The following MASP1 variants were observed in gnomAD, a reference collection of about 807,000 sequenced individuals.
The protein encoded by MASP1 is MBL associated serine protease 1, also known as mannan-binding lectin serine protease 1.
In MASP1, 59 loss-of-function variants were observed where a neutral mutation model predicts 77.1. That is an observed-to-expected ratio of 0.77 (90% confidence interval 0.62 to 0.95). The LOEUF (loss-of-function observed/expected upper bound fraction) is 0.95. Ranked by LOEUF, MASP1 falls within the 40% of genes least tolerant of loss-of-function variation. The pLI, the probability that MASP1 is intolerant of heterozygous loss-of-function variation, is 0.00. For synonymous variants in MASP1, 362 were observed against 354.5 expected (o/e 1.02, Z -0.24); for missense variants, 885 against 912.9 (o/e 0.97, Z 0.39).
chr3:187,245,561 C>T (rs891273588), intron 8 of MASP1, among the ~76,000 whole-genome samples: 1 of 152,030 alleles, frequency 6.6e-6, no homozygotes, highest in Non-Finnish European at 1.5e-5. Context: ...TGTGGAGGGG[C>T]GTACTTTCTT....
At chr3:187,278,407 A>G (rs1717135347) in intron 2 of MASP1, among the ~76,000 whole-genome samples, 1 of 152,190 alleles carries the variant, frequency 6.6e-6, no homozygotes, top group South Asian at 2.1e-4. Flanking sequence ...GCTGAGGGAG[A>G]TCAAGGAGCT....
intron 13 of MASP1, among the ~76,000 whole-genome samples, chr3:187,223,532 T>C (rs1712194346): frequency 6.6e-6 from 1 of 152,192 alleles, no homozygotes; most frequent in African/African-American, 2.4e-5. Flanking sequence ...TGCTGTCACA[T>C]AGTAGGTGCT....
chr3:187,275,038 C>A (rs1253638074), intron 2 of MASP1, among the ~76,000 whole-genome samples: 1 of 152,154 alleles, frequency 6.6e-6, no homozygotes, highest in African/African-American at 2.4e-5. Context: ...CACTGTTTGG[C>A]CTGAGAATGG....
chr3:187,219,760 C>A, exon 16 of MASP1: 1 of 414,376 alleles, frequency 2.4e-6, no homozygotes. Flanking sequence ...CAGACTTTTA[C>A]GAGGTAGGTA....
At chr3:187,253,066 G>T in intron 6 of MASP1, 102 bp downstream of exon 6, 1 of 1,482,824 alleles carries the variant, frequency 6.7e-7, no homozygotes, top group Non-Finnish European at 9.4e-7. Context: ...GTCCCATCAG[G>T]TCTCCAGAGG....
intron 4 of MASP1, among the ~76,000 whole-genome samples, chr3:187,259,122 C>T (rs1044953829): frequency 5.3e-5 from 8 of 152,112 alleles, no homozygotes; most frequent in African/African-American, 1.2e-4. Flanking sequence ...TGACTTTAGC[C>T]CTGCTAAGGA....
chr3:187,271,173 C>T (rs1490936136), intron 2 of MASP1, among the ~76,000 whole-genome samples: 3 of 152,182 alleles, frequency 2.0e-5, no homozygotes, highest in Non-Finnish European at 4.4e-5. Context: ...TTTTACCACA[C>T]CCTTAGCAAA....
chr3:187,281,364 T>TTGGGC (rs1717395630), intron 2 of MASP1, among the ~76,000 whole-genome samples: 1 of 152,164 alleles, frequency 6.6e-6, no homozygotes, highest in African/African-American at 2.4e-5. Flanking sequence ...GCTTGCGGGG[T>TTGGGC]TGGGCTGGGC....
At chr3:187,271,374 A>G (rs1226198533) in intron 2 of MASP1, among the ~76,000 whole-genome samples, 1 of 152,268 alleles carries the variant, frequency 6.6e-6, no homozygotes, top group Non-Finnish European at 1.5e-5. Flanking sequence ...TATAGCAGTC[A>G]TATGATATTA....
chr3:187,223,509 G>A (rs9880761), intron 13 of MASP1, among the ~76,000 whole-genome samples: 107,189 of 152,086 alleles, frequency 0.7, 37,945 homozygotes, highest in East Asian at 0.89. Flanking sequence ...CTATATCACA[G>A]TGCCTATAGC....
At chr3:187,248,292 C>T (rs77621728) in intron 8 of MASP1, among the ~76,000 whole-genome samples, 4,158 of 152,218 alleles carry the variant, frequency 0.027, 214 homozygotes, top group African/African-American at 0.093. Context: ...AGAAATGAAA[C>T]CACTTCCTAG....
At chr3:187,289,451 A>G (rs540202091) in intron 1 of MASP1, among the ~76,000 whole-genome samples, 4 of 152,236 alleles carry the variant, frequency 2.6e-5, no homozygotes, top group Non-Finnish European at 5.9e-5. Context: ...TCAACAGAAG[A>G]AGGGAATAAA....
chr3:187,271,407 T>C (rs187207481), intron 2 of MASP1, among the ~76,000 whole-genome samples: 4 of 152,320 alleles, frequency 2.6e-5, no homozygotes, highest in African/African-American at 9.6e-5. Context: ...TAACTGTAAA[T>C]ATCCTTTTCT....
chr3:187,243,056 G>A (rs1057449046), intron 9 of MASP1: 1 of 295,412 alleles, frequency 3.4e-6, no homozygotes, highest in African/African-American at 2.2e-5. Flanking sequence ...CCAAGGCAGA[G>A]TCTGGGTGAA....
intron 2 of MASP1, among the ~76,000 whole-genome samples, chr3:187,265,792 C>T (rs1464757102): frequency 1.3e-5 from 2 of 152,326 alleles, no homozygotes; most frequent in African/African-American, 2.4e-5. Context: ...GAGTACATGA[C>T]TAAAGACACA....
downstream of MASP1, chr3:187,229,754 C>T (rs757845832): frequency 1.2e-6 from 2 of 1,614,022 alleles, no homozygotes; most frequent in East Asian, 2.2e-5. Context: ...TCCACCTTCT[C>T]CCTACCTAGA....
intron 2 of MASP1, among the ~76,000 whole-genome samples, chr3:187,272,027 G>A (rs1386056791): frequency 6.6e-6 from 1 of 152,194 alleles, no homozygotes; most frequent in Non-Finnish European, 1.5e-5. Context: ...GCAGCGTATG[G>A]CAGGGAGGGT....
chr3:187,229,770 GC>G, downstream of MASP1: 1 of 1,614,154 alleles, frequency 6.2e-7, no homozygotes, highest in Non-Finnish European at 8.5e-7. Flanking sequence ...CTAGAAGGGA[GC>G]CTCCGCAGAA....
intron 11 of MASP1, among the ~76,000 whole-genome samples, chr3:187,228,028 C>T (rs1014238976): frequency 9.2e-5 from 14 of 152,076 alleles, no homozygotes; most frequent in African/African-American, 7.2e-5. Flanking sequence ...GCAGGGAGTG[C>T]GAAGTATGAG....
Sources: gnomAD v4.1 joint callset for allele counts (sites outside exome capture counted in the v4.1 genomes callset) on GRCh38, gnomAD v4.1.1 for gene constraint, MANE v1.5 for transcripts, NCBI Gene and HGNC (gene_info 2026-07-23, HGNC 2026-07-21) for gene names.